The following LTO1 variants were observed in gnomAD, a reference collection of about 807,000 sequenced individuals.
The protein encoded by LTO1 is protein LTO1 homolog.
LTO1 carries 18 observed loss-of-function variants against 19.8 expected under a neutral mutation model. The ratio of observed to expected loss-of-function variants is 0.91; its 90% CI spans 0.63 to 1.35. The LOEUF is 1.35. Among genes scored for constraint, LTO1 ranks in the 40% most tolerant of loss-of-function variants. The probability of loss-of-function intolerance (pLI) is 0.00; values close to 1 mark genes in which losing one functional copy is unlikely to be tolerated. For missense variants in LTO1, 175 were observed against 167.9 expected, an observed-to-expected ratio of 1.04 and a Z score of -0.23; for synonymous variants, 59 against 59.6, an observed-to-expected ratio of 0.99 and a Z score of 0.05.
rs1856040403 is a variant in LTO1 at position 69,666,962 on chromosome 11, C to A, written c.*557G>T. The A allele has an allele frequency of 6.5e-6, 1 of 152,688 alleles. No homozygotes were observed. The highest frequency in any genetic ancestry group is 1.5e-5 in the Non-Finnish European group (1 of 68,386). 9.5% of individuals were successfully genotyped at this position (152,688 alleles called of 1,614,324 possible). A position where few individuals can be genotyped will look rare whatever the true frequency, so the allele number is the denominator to read the frequency against. On this transcript the variant is annotated 3_prime_UTR_variant, in exon 5 of 5. Transcript: ENST00000279147. ...CTGGGTGCCCTTAGACCAGGCAATC[C>A]CTTCGCGTCTCCCCTCCCTCCTCTG...
chr11:69,672,800 A>ATTTTTTTTTTTTTTTTTTTTT, intron 2 of LTO1: 1 of 313,060 alleles, frequency 3.2e-6, no homozygotes, highest in Non-Finnish European at 6.3e-6. Context: ...AGGCACTGTG[A>ATTTTTTTTTTTTTTTTTTTTT]TTTTTTTTGT....
chr11:69,672,173 A>C, intron 2 of LTO1: 1 of 243,630 alleles, frequency 4.1e-6, no homozygotes, highest in Non-Finnish European at 8.3e-6. Flanking sequence ...CTCTTGGACC[A>C]CTCGCTCTTG....
chr11:69,673,398 T>C, intron 1 of LTO1, 77 bp from the exon 2 acceptor site: 1 of 987,368 alleles, frequency 1.0e-6, no homozygotes, highest in South Asian at 1.3e-5. Context: ...CTCTCTTGTA[T>C]TACCCGGACC....
intron 2 of LTO1, chr11:69,672,157 C>T (rs967756434): frequency 6.5e-6 from 2 of 306,142 alleles, no homozygotes; most frequent in Admixed American, 4.1e-5. Flanking sequence ...ACTTGCCTCA[C>T]CAGCTCTCTT....
rs200225815 is a variant in LTO1 at position 69,667,509 on chromosome 11, T to A, written c.*10A>T. The A allele has an allele frequency of 9.8e-5, 155 of 1,580,792 alleles. No homozygotes were observed. In the African/African-American group the frequency reaches 1.9e-3, roughly 19 times the overall value. ...TTCCTCGACGTTCGGTCTCTGTTCA[T>A]CCATCCTCCTCAAAATGAAAGTCCG... On this transcript the variant is annotated 3_prime_UTR_variant, in exon 5 of 5. Transcript: ENST00000279147.
At chr11:69,672,434 C>T (rs1856122114) in intron 2 of LTO1, 1 of 156,512 alleles carries the variant, frequency 6.4e-6, no homozygotes, top group Admixed American at 6.1e-5. Flanking sequence ...CAGCATCGAA[C>T]ATCCAATATA....
rs774684791 is a variant in LTO1, at chr11:69,671,753, CCTT to C, written c.220_222del (p.Lys74del). 1.9e-6 allele frequency: 3 copies of C among 1,580,140 alleles called. No individual in the cohort carries two copies. Among genetic ancestry groups the C allele is most frequent in the East Asian group, 2.2e-5 (1 of 44,718 alleles). ...GAAAGACATCTCCACCTTTACCTGT[CCTT>C]CTCAGTGGTGCAACTGTGCAGTAGA... On this transcript the variant is annotated inframe_deletion, in exon 3 of 5. Transcript: ENST00000279147.
chr11:69,667,822 G>A (rs760825896), intron 4 of LTO1, 73 bp downstream of exon 4: 9 of 863,474 alleles, frequency 1.0e-5, no homozygotes, highest in African/African-American at 3.3e-5. Flanking sequence ...CAGCGGCCCC[G>A]GGAGTGCGCT....
In LTO1 at chr11:69,667,989, G is replaced by T; in HGVS notation, c.251C>A (p.Ser84Ter). The T allele has an allele frequency of 6.4e-7, 1 of 1,558,300 alleles. No homozygotes were observed. The change falls in exon 4 of 5, where the codon TCA becomes TAA. Residue 84 changes from serine (S) to a stop codon, truncating the protein, a stop_gained. Transcript: ENST00000279147. LOFTEE classifies it high-confidence loss of function. Reference sequence around the variant, plus strand: ...GAATTTCTGGATCATTCCAATCAATGATTCTAAGACCTTCATCTTTCTGCT... The same window carrying T: ...GAATTTCTGGATCATTCCAATCAATTATTCTAAGACCTTCATCTTTCTGCT... Reference protein sequence around the residue: ...KDSRKMKVLESLIGMIQKFPY... With the variant: ...KDSRKMKVLE
Position 69,667,130 on chromosome 11 carries a change from G to A in LTO1, c.*389C>T. 1 of 188,714 alleles carries A rather than the reference G, an allele frequency of 5.3e-6. No individual in the cohort carries two copies. Among genetic ancestry groups the A allele is most frequent in the South Asian group, 1.5e-4 (1 of 6,894 alleles). 11.7% of individuals were successfully genotyped at this position (188,714 alleles called of 1,614,324 possible). ...AAACCTCCCATGAGCCTCATTCGGG[G>A]CCAACCATCTCTCTCATTGCAAATA... On this transcript the variant is annotated 3_prime_UTR_variant, in exon 5 of 5. Transcript: ENST00000279147.
chr11:69,667,729 C>G, intron 4 of LTO1, 142 bp from the exon 5 acceptor site: 1 of 722,998 alleles, frequency 1.4e-6, no homozygotes, highest in Non-Finnish European at 2.4e-6. Flanking sequence ...TCTGGACTGT[C>G]TTCAGTTTTC....
At chr11:69,670,529 C>T (rs1193666627) in intron 3 of LTO1, among the ~76,000 whole-genome samples, 1 of 152,242 alleles carries the variant, frequency 6.6e-6, no homozygotes, top group South Asian at 2.1e-4. Context: ...AGAATCCCAT[C>T]GACTCCCAAC....
intron 1 of LTO1, 185 bp from the exon 2 acceptor site, chr11:69,673,506 A>G (rs1454087892): frequency 1.7e-6 from 1 of 576,898 alleles, no homozygotes; most frequent in Non-Finnish European, 3.1e-6. Context: ...TTGCCTCTGG[A>G]AGTCACTGTA....
At chr11:69,671,616 G>A (rs1856110508) in intron 3 of LTO1, 133 bp downstream of exon 3, 10 of 675,168 alleles carry the variant, frequency 1.5e-5, no homozygotes, top group Non-Finnish European at 2.4e-5. Context: ...CAACACTCAA[G>A]CTTGACACTG....
chr11:69,667,137 A>T lies in LTO1; in HGVS notation c.*382T>A. The T allele has an allele frequency of 1.2e-4, 20 of 172,740 alleles. No homozygotes were observed. Among genetic ancestry groups the T allele is most frequent in the East Asian group, 1.7e-4 (1 of 5,960 alleles). 10.7% of individuals were successfully genotyped at this position (172,740 alleles called of 1,614,324 possible). On this transcript the variant is annotated 3_prime_UTR_variant, in exon 5 of 5. Transcript: ENST00000279147. ...CCATGAGCCTCATTCGGGGCCAACC[A>T]TCTCTCTCATTGCAAATAATAATAA... is the stretch of plus-strand genomic sequence containing the variant.
At chr11:69,675,027 A>G (rs1416961419) in intron 1 of LTO1, 163 bp downstream of exon 1, 1 of 707,562 alleles carries the variant, frequency 1.4e-6, no homozygotes. Context: ...GGACCAGAGC[A>G]TCAGGCCCAC....
chr11:69,667,720 C>G lies in LTO1; in HGVS notation c.346-133G>C, dbSNP rs961532014. On this transcript the variant is annotated intron_variant, in intron 4 of 4. Transcript: ENST00000279147. ...ATAAATGAGTTCTAACTCCTTTTCTCTGGACTGTCTTCAGTTTTCCTGCAC... is the reference window on the plus strand; with the variant it reads ...ATAAATGAGTTCTAACTCCTTTTCTGTGGACTGTCTTCAGTTTTCCTGCAC... The G allele has an allele frequency of 2.0e-5, 15 of 733,014 alleles. No individual in the cohort carries two copies. In the African/African-American group the frequency reaches 2.5e-4, roughly 12 times the overall value. 45.4% of individuals were successfully genotyped at this position (733,014 alleles called of 1,614,324 possible). A position where few individuals can be genotyped will look rare whatever the true frequency, so the allele number is the denominator to read the frequency against.
chr11:69,669,228 G>A (rs1393623543), intron 3 of LTO1, among the ~76,000 whole-genome samples: 1 of 152,118 alleles, frequency 6.6e-6, no homozygotes, highest in Non-Finnish European at 1.5e-5. Context: ...GTGGTCCTGA[G>A]AAGCATGCTG....
chr11:69,672,130 G>A, intron 2 of LTO1: 1 of 336,802 alleles, frequency 3.0e-6, no homozygotes, highest in Non-Finnish European at 5.8e-6. Flanking sequence ...CTGAGTCTAG[G>A]GATAAAAGCC....
Sources: allele counts gnomAD v4.1 joint callset (sites outside exome capture counted in the v4.1 genomes callset), GRCh38; gene constraint gnomAD v4.1.1; transcripts MANE v1.5; gene names NCBI Gene and HGNC (gene_info 2026-07-23, HGNC 2026-07-21).